B3GALT1: variants seen among roughly 807,000 people sequenced by gnomAD.
B3GALT1 encodes beta-1,3-galactosyltransferase 1, also known as UDP-Gal:betaGlcNAc beta 1,3-galactosyltransferase, polypeptide 1.
In B3GALT1, 10 loss-of-function variants were observed where a neutral mutation model predicts 23.2. That is an observed-to-expected ratio of 0.43 (90% confidence interval 0.27 to 0.73). The LOEUF (loss-of-function observed/expected upper bound fraction) is 0.73. B3GALT1 is among the 30% of genes least tolerant of loss of function. The pLI is 0.21. For synonymous variants in B3GALT1, 156 were observed against 141.5 expected (o/e 1.10, Z -0.73); for missense variants, 299 against 405.4 (o/e 0.74, Z 2.25).
At chr2:167,427,902 A>T (rs1297723347) in intron 1 of B3GALT1, among the ~76,000 whole-genome samples, 1 of 152,156 alleles carries the variant, frequency 6.6e-6, no homozygotes, top group South Asian at 2.1e-4. Context: ...AAAACCCTCT[A>T]AGTTATTTTA....
chr2:167,468,974 AC>A (rs1699385690), intron 1 of B3GALT1, among the ~76,000 whole-genome samples: 1 of 152,206 alleles, frequency 6.6e-6, no homozygotes, highest in Admixed American at 6.5e-5. Flanking sequence ...ATTGTACTGG[AC>A]CATGTATTTA....
At position 167,512,592 on chromosome 2, in the gene B3GALT1, G is replaced by GTGTATATATATATA. The variant is rs1259749757; in HGVS notation, c.-410+22330_-410+22343dup. Among the ~76,000 whole-genome samples the GTGTATATATATATA allele has an allele frequency of 1.5e-4, 6 of 39,600 alleles. 1 individual carries two copies. The highest frequency in any genetic ancestry group is 7.6e-4 in the African/African-American group (4 of 5,232). The allele number at this position is 39,600 out of a possible 152,430, so 26.0% of individuals were successfully genotyped here. ...TGTATATATATATGTATATATATAT[G>GTGTATATATATATA]TGTATATATATATATGTATATATAT... On this transcript the variant is annotated intron_variant, in intron 2 of 4. Coordinates refer to ENST00000392690, the MANE Select transcript of B3GALT1 (RefSeq NM_020981.4).
chr2:167,607,994 A>G (rs1684995785), intron 2 of B3GALT1, among the ~76,000 whole-genome samples: 1 of 152,216 alleles, frequency 6.6e-6, no homozygotes, highest in Non-Finnish European at 1.5e-5. Flanking sequence ...GACATTTAAT[A>G]AGAAAGGCCA....
intron 2 of B3GALT1, among the ~76,000 whole-genome samples, chr2:167,591,463 AATTT>A (rs982865872): frequency 4.0e-5 from 6 of 151,796 alleles, no homozygotes; most frequent in African/African-American, 7.3e-5. Flanking sequence ...TACTTTAATT[AATTT>A]ATTTATTTAT....
chr2:167,566,404 T>C (rs1574142942), intron 2 of B3GALT1, among the ~76,000 whole-genome samples: 1 of 151,932 alleles, frequency 6.6e-6, no homozygotes, highest in African/African-American at 2.4e-5. Context: ...TAATGCTAAA[T>C]GACGAGTTAA....
chr2:167,430,458 G>A (rs1351147873), intron 1 of B3GALT1, among the ~76,000 whole-genome samples: 2 of 152,178 alleles, frequency 1.3e-5, no homozygotes, highest in Non-Finnish European at 2.9e-5. Context: ...AGAACTGGCT[G>A]TGTGTTAGGG....
At chr2:167,722,011 T>G (rs1238047162) in intron 3 of B3GALT1, among the ~76,000 whole-genome samples, 1 of 152,234 alleles carries the variant, frequency 6.6e-6, no homozygotes, top group Non-Finnish European at 1.5e-5. Flanking sequence ...TTATTGTTTC[T>G]TCAAATTATC....
intron 1 of B3GALT1, among the ~76,000 whole-genome samples, chr2:167,293,942 G>C (rs1278407407): frequency 6.8e-6 from 1 of 148,074 alleles, no homozygotes; most frequent in Non-Finnish European, 1.5e-5. Context: ...TTGGGGGTGG[G>C]GGTGGGGGTG....
intron 1 of B3GALT1, among the ~76,000 whole-genome samples, chr2:167,352,033 C>T (rs983813497): frequency 2.0e-5 from 3 of 146,914 alleles, no homozygotes; most frequent in Non-Finnish European, 1.5e-5. Flanking sequence ...GATCTTGGCT[C>T]ACTGCAACCT....
At position 167,659,210 on chromosome 2, in the gene B3GALT1, G is replaced by A. The variant is rs187304256; in HGVS notation, c.-352+12244G>A. On this transcript the variant is annotated intron_variant, in intron 3 of 4. Transcript: ENST00000392690. ...GAAACTGATATAAAAGCTTTAATTA[G>A]AAAAGCATCTTGAGCTAGTTCCATG... 3.5e-3 allele frequency among the ~76,000 whole-genome samples: 526 copies of A among 151,400 alleles called. 3 individuals are homozygous for A. The highest frequency in any genetic ancestry group is 3.9e-3 in the Non-Finnish European group (267 of 67,780).
intron 3 of B3GALT1, among the ~76,000 whole-genome samples, chr2:167,791,889 G>GAA (rs10572191): frequency 7.2e-6 from 1 of 139,602 alleles, no homozygotes; most frequent in Non-Finnish European, 1.6e-5. Context: ...CCTGCTCCTA[G>GAA]AAAAAAAAAA....
intron 2 of B3GALT1, among the ~76,000 whole-genome samples, chr2:167,575,163 T>A (rs10165858): frequency 3.4e-4 from 52 of 151,756 alleles, no homozygotes; most frequent in Non-Finnish European, 1.2e-4. Context: ...AAGTAATACA[T>A]GTAAATATGA....
intron 2 of B3GALT1, among the ~76,000 whole-genome samples, chr2:167,563,851 C>A (rs867335816): frequency 1.4e-5 from 2 of 144,224 alleles, no homozygotes; most frequent in Non-Finnish European, 3.1e-5. Context: ...CCAGCAGGGG[C>A]GGCCGGGCAG....
At chr2:167,374,413 T>G (rs1186482929) in intron 1 of B3GALT1, among the ~76,000 whole-genome samples, 1 of 152,216 alleles carries the variant, frequency 6.6e-6, no homozygotes, top group Non-Finnish European at 1.5e-5. Context: ...AGTAGTTCTG[T>G]TTTAAGTTTT....
chr2:167,295,295 A>G (rs1464967732), intron 1 of B3GALT1, among the ~76,000 whole-genome samples: 2 of 152,160 alleles, frequency 1.3e-5, no homozygotes, highest in Non-Finnish European at 2.9e-5. Context: ...TGGTTTTCTG[A>G]TATGATTAAA....
At position 167,416,172 on chromosome 2, in the gene B3GALT1, GCT is replaced by G. The variant is rs2105298623; in HGVS notation, c.-510-73998_-510-73997del. 1.3e-5 allele frequency among the ~76,000 whole-genome samples: 2 copies of G among 152,272 alleles called. 1 individual carries two copies. The highest frequency in any genetic ancestry group is 4.1e-4 in the South Asian group (2 of 4,828). ...TGGAAGCATTTCTGAGATCTTTGAG[GCT>G]CTCTCTTCCATCACAGGCCCAGAGG... On this transcript the variant is annotated intron_variant, in intron 1 of 4. Transcript: ENST00000392690.
intron 2 of B3GALT1, among the ~76,000 whole-genome samples, chr2:167,568,654 A>T (rs1163597715): frequency 6.6e-6 from 1 of 152,070 alleles, no homozygotes; most frequent in Non-Finnish European, 1.5e-5. Flanking sequence ...ATCTTCTGCA[A>T]ATATTTTCTC....
At chr2:167,627,444 G>A (rs1309886570) in intron 2 of B3GALT1, among the ~76,000 whole-genome samples, 5 of 151,528 alleles carry the variant, frequency 3.3e-5, no homozygotes, top group African/African-American at 9.7e-5. Flanking sequence ...TTTGAGTCTG[G>A]CATATTTCTT....
intron 1 of B3GALT1, among the ~76,000 whole-genome samples, chr2:167,450,378 T>A (rs908121742): frequency 3.3e-5 from 5 of 152,172 alleles, no homozygotes; most frequent in African/African-American, 9.7e-5. Context: ...AGTTTATACA[T>A]GTAGAGATCT....
Sources: allele counts gnomAD v4.1 joint callset (sites outside exome capture counted in the v4.1 genomes callset), GRCh38; gene constraint gnomAD v4.1.1; transcripts MANE v1.5; gene names NCBI Gene and HGNC (gene_info 2026-07-23, HGNC 2026-07-21).